Variants in ADCY10 observed in about 807,000 individuals in gnomAD.
ADCY10 encodes the protein adenylate cyclase 10.
ADCY10 carries 156 observed loss-of-function variants against 183.3 expected under a neutral mutation model. The ratio of observed to expected loss-of-function variants is 0.85; its 90% CI spans 0.75 to 0.97. The LOEUF (loss-of-function observed/expected upper bound fraction) is 0.97, where lower values mean the gene tolerates loss of function less well. Ranked by LOEUF, ADCY10 falls within the 50% of genes least tolerant of loss-of-function variation. The pLI is 0.00. For missense variants in ADCY10, 1,745 were observed against 1,934.3 expected, an observed-to-expected ratio of 0.90 and a Z score of 1.84; for synonymous variants, 645 against 670.0, an observed-to-expected ratio of 0.96 and a Z score of 0.58.
At chr1:167,886,543 T>C (rs1050837955) in intron 8 of ADCY10, among the ~76,000 whole-genome samples, 2 of 152,036 alleles carry the variant, frequency 1.3e-5, no homozygotes, top group African/African-American at 4.8e-5. Flanking sequence ...ATACAAAAAT[T>C]AATTCAAGAT....
chr1:167,856,452 CAGAAAG>C lies in ADCY10; in HGVS notation c.1897-19_1897-14del, dbSNP rs762729183. The C allele has an allele frequency of 2.0e-5, 33 of 1,613,834 alleles. No homozygotes were observed. In the Middle Eastern group the frequency reaches 5.0e-4, roughly 25 times the overall value. ...CCTCTTTCACTATCTGGACAAGATG[CAGAAAG>C]AGAAAGAGAAACACCATAGGACGTC... On this transcript the variant is annotated splice_polypyrimidine_tract_variant and intron_variant, in intron 16 of 32. Coordinates refer to ENST00000367851, the MANE Select transcript of ADCY10 (RefSeq NM_018417.6).
At chr1:167,913,302 CGA>C (rs1670269481) in intron 1 of ADCY10, among the ~76,000 whole-genome samples, 1 of 152,084 alleles carries the variant, frequency 6.6e-6, no homozygotes, top group Admixed American at 6.6e-5. Flanking sequence ...AATTAGGGTT[CGA>C]TTATATTCAT....
Position 167,829,694 on chromosome 1 carries a change from G to A in ADCY10, c.3594-271C>T, listed in dbSNP as rs146015851. On this transcript the variant is annotated intron_variant, in intron 25 of 32. Transcript: ENST00000367851. ...CTGAGTCAGGTAATTGCTAAATGAA[G>A]CTATTTAAAAAGCACATTGATATTA... Among the ~76,000 whole-genome samples, 559 of 152,292 alleles carry A rather than the reference G, an allele frequency of 3.7e-3. 5 individuals are homozygous for A. Among genetic ancestry groups the A allele is most frequent in the African/African-American group, 0.013 (528 of 41,556 alleles).
Position 167,870,324 on chromosome 1 carries a change from A to G in ADCY10, c.1549T>C (p.Leu517=), listed in dbSNP as rs754938007. 5 of 1,614,008 alleles carry G rather than the reference A, an allele frequency of 3.1e-6. No homozygotes were observed. The highest frequency in any genetic ancestry group is 4.5e-5 in the East Asian group (2 of 44,854). Residue 517 remains leucine (L), a synonymous_variant, in exon 14 of 33, where the codon TTA becomes CTA. Transcript: ENST00000367851. ...NSSQVLMYEG[L]PGYGKSQILM... is the part of the protein sequence containing the mutation. Reference sequence around the variant, plus strand: ...ATCTGGCTTTTTCCATATCCTGGTAATCCCTCATACATTAAGACTTGGCTG... The same window carrying G: ...ATCTGGCTTTTTCCATATCCTGGTAGTCCCTCATACATTAAGACTTGGCTG...
chr1:167,829,183 T>G, intron 26 of ADCY10, 84 bp downstream of exon 26: 2 of 1,522,582 alleles, frequency 1.3e-6, no homozygotes, highest in Non-Finnish European at 1.8e-6. Context: ...TCCTCAGAAT[T>G]TTGAATCCTA....
At chr1:167,834,110 A>G (rs1165769524) in intron 23 of ADCY10, 33 bp from the exon 24 acceptor site, 1 of 1,545,434 alleles carries the variant, frequency 6.5e-7, no homozygotes, top group East Asian at 2.2e-5. Flanking sequence ...AAAAGTGTTG[A>G]TTCAGCAGGG....
intron 11 of ADCY10, among the ~76,000 whole-genome samples, chr1:167,879,137 G>A (rs183415841): frequency 6.6e-6 from 1 of 152,304 alleles, no homozygotes; most frequent in Non-Finnish European, 1.5e-5. Context: ...GGCTCTGAAG[G>A]CAGACTGTGC....
Position 167,809,831 on chromosome 1 carries a change from C to T in ADCY10, c.4680G>A (p.Trp1560Ter). The T allele has an allele frequency of 6.2e-7, 1 of 1,613,972 alleles. No individual in the cohort carries two copies. Among genetic ancestry groups the T allele is most frequent in the Non-Finnish European group, 8.5e-7 (1 of 1,179,922 alleles). The stretch of plus-strand genomic sequence containing the variant: ...CTTCTTTTAACTCAGAGGTTGAGTA[C>T]CATGATTCCTGAGAGGAAAGAAACA... The part of the protein sequence containing the change: ...KCWLNMNKES[W>*]YSTSELKEDQ... The change falls in exon 33 of 33, where the codon TGG becomes TGA. Residue 1560 changes from tryptophan to a stop codon, truncating the protein, a stop_gained. Transcript: ENST00000367851. LOFTEE classifies it low-confidence loss of function (END_TRUNC).
intron 14 of ADCY10, among the ~76,000 whole-genome samples, chr1:167,864,498 A>G (rs765884936): frequency 1.1e-4 from 16 of 152,114 alleles, no homozygotes; most frequent in South Asian, 2.1e-4. Context: ...TACGTAGACA[A>G]TTACAGCTGG....
Position 167,896,680 on chromosome 1 carries a change from TA to T in ADCY10, c.653del (p.Leu218Ter). On this transcript the variant is annotated frameshift_variant, in exon 7 of 33. Transcript: ENST00000367851. LOFTEE classifies it high-confidence loss of function. ...PDQRAVKVNFLKPPPNFNFDE... is the reference protein window; with the variant it reads ...PDQRAVKVNFXKPPPNFNFDE... The stretch of plus-strand genomic sequence containing the variant: ...CAAAATTAAAATTGGGGGGTGGTTT[TA>T]AGAAGTTAACCTAAATAAAAGCAAA... 1.9e-6 allele frequency: 3 copies of T among 1,608,686 alleles called. No homozygotes were observed. The highest frequency in any genetic ancestry group is 2.6e-6 in the Non-Finnish European group (3 of 1,175,136).
intron 30 of ADCY10, among the ~76,000 whole-genome samples, chr1:167,818,983 T>C (rs1481712609): frequency 6.6e-6 from 1 of 152,214 alleles, no homozygotes; most frequent in East Asian, 1.9e-4. Flanking sequence ...GCATCATCAG[T>C]ATCACCTGGA....
chr1:167,907,242 T>A (rs1669880982), intron 1 of ADCY10, among the ~76,000 whole-genome samples: 2 of 152,256 alleles, frequency 1.3e-5, no homozygotes, highest in South Asian at 4.1e-4. Flanking sequence ...AGGCTACTCA[T>A]GGATCCCAGA....
chr1:167,892,060 G>T (rs181168858), intron 8 of ADCY10, among the ~76,000 whole-genome samples: 1 of 150,652 alleles, frequency 6.6e-6, no homozygotes, highest in South Asian at 2.1e-4. Context: ...TGCAAGCTCC[G>T]TCTCCTTGCT....
Position 167,905,599 on chromosome 1 carries a change from TAAA to T in ADCY10, c.-58-404_-58-402del, listed in dbSNP as rs34148403. On this transcript the variant is annotated intron_variant, in intron 1 of 32. Transcript: ENST00000367851. ...TTGGTCTTTTACTTTTTTCTCTCTT[TAAA>T]AAAAAAAAAAGTGTAGATGTGATTC... is the stretch of plus-strand genomic sequence containing the variant. Among the ~76,000 whole-genome samples the T allele has an allele frequency of 2.2e-3, 315 of 145,894 alleles. 2 individuals are homozygous for T. The highest frequency in any genetic ancestry group is 7.4e-3 in the African/African-American group (295 of 39,980).
In ADCY10 at chr1:167,834,056, CT is replaced by C. The variant is rs749457702; in HGVS notation, c.3330del (p.Gly1111AspfsTer5). On this transcript the variant is annotated frameshift_variant, in exon 24 of 33. Transcript: ENST00000367851. LOFTEE classifies it high-confidence loss of function. ...DNYMAYMYLN[E>X]GQKLLKTLKK... ...TTGAGAGTTTTTAGCAACTTCTGTC[CT>C]TCATTCAAATACATGTATGCCTGTA... is the stretch of plus-strand genomic sequence containing the variant. The C allele has an allele frequency of 6.2e-7, 1 of 1,613,960 alleles. No homozygotes were observed. The highest frequency in any genetic ancestry group is 2.2e-5 in the East Asian group (1 of 44,890).
At chr1:167,872,199 G>A (rs978965572) in intron 13 of ADCY10, among the ~76,000 whole-genome samples, 4 of 152,060 alleles carry the variant, frequency 2.6e-5, no homozygotes, top group Non-Finnish European at 4.4e-5. Flanking sequence ...TTAGCCGGGC[G>A]TGGTGGTGCA....
chr1:167,832,987 C>A lies in ADCY10; in HGVS notation c.3593G>T (p.Gly1198Val). ...NRQAQESPPP[G>V]KKRLAQLYRQ... Reference sequence around the variant, plus strand: ...TGCTCTCCCCAGCTCCTTCCCTTACCCTGGAGGTGGGCTCTCTTGGGCCTG... The same window carrying A: ...TGCTCTCCCCAGCTCCTTCCCTTACACTGGAGGTGGGCTCTCTTGGGCCTG... Residue 1198 changes from glycine (G) to valine (V), a missense_variant and splice_region_variant, in exon 25 of 33, where the codon GGG becomes GTG. By Grantham distance (109) the Gly-to-Val change is moderately radical. Coordinates refer to ENST00000367851, the MANE Select transcript of ADCY10 (RefSeq NM_018417.6). 1 of 1,613,670 alleles carries A rather than the reference C, an allele frequency of 6.2e-7. No individual in the cohort carries two copies. The highest frequency in any genetic ancestry group is 8.5e-7 in the Non-Finnish European group (1 of 1,179,862).
At position 167,880,176 on chromosome 1, in the gene ADCY10, A is replaced by G. The variant is rs203849; in HGVS notation, c.1155T>C (p.Gly385=). ...QVHKIQTVSI[G]VASGIVFCGI... ...CACAGAAGACAATCCCACTGGCAAC[A>G]CCGATGGATACAGTTCTGGTGCAGG... is the stretch of plus-strand genomic sequence containing the variant. Residue 385 remains glycine (G), a synonymous_variant, in exon 11 of 33, where the codon GGT becomes GGC. Transcript: ENST00000367851. The G allele has an allele frequency of 0.48, 772,927 of 1,610,082 alleles. 187,779 individuals are homozygous for G. Among genetic ancestry groups the G allele is most frequent in the African/African-American group, 0.64 (47,655 of 74,900 alleles).
intron 26 of ADCY10, among the ~76,000 whole-genome samples, chr1:167,827,890 T>A (rs1469438021): frequency 6.6e-6 from 1 of 151,922 alleles, no homozygotes; most frequent in Non-Finnish European, 1.5e-5. Flanking sequence ...ATTTTTGTAT[T>A]TTTAGTAAAG....
Sources: gnomAD v4.1 joint callset for allele counts (sites outside exome capture counted in the v4.1 genomes callset) on GRCh38, gnomAD v4.1.1 for gene constraint, MANE v1.5 for transcripts, NCBI Gene and HGNC (gene_info 2026-07-23, HGNC 2026-07-21) for gene names.